Variants in ACCSL observed in about 807,000 individuals in gnomAD.
The protein encoded by ACCSL is probable inactive 1-aminocyclopropane-1-carboxylate synthase-like protein 2.
A neutral mutation model predicts 61.7 loss-of-function variants in ACCSL; 55 were observed. The ratio of observed to expected loss-of-function variants is 0.89; its 90% CI spans 0.72 to 1.12. ACCSL has a LOEUF of 1.12. ACCSL is among the 50% of genes most tolerant of loss of function. ACCSL has a pLI of 0.00. For missense variants in ACCSL, 632 were observed against 698.0 expected (o/e 0.91, Z 1.07); for synonymous variants, 258 against 264.3 (o/e 0.98, Z 0.23).
chr11:43,998,992 A>G, the ACCSL span, among the ~76,000 whole-genome samples: 1 of 152,180 alleles, frequency 6.6e-6, no homozygotes, highest in Non-Finnish European at 1.5e-5. Context: ...CTTTTGAGTC[A>G]TACAGACCTG....
At chr11:43,966,638 A>G in the ACCSL span, among the ~76,000 whole-genome samples, 1 of 152,198 alleles carries the variant, frequency 6.6e-6, no homozygotes, top group Non-Finnish European at 1.5e-5. Flanking sequence ...TTTGACTGAC[A>G]TTTATCCAAA....
the ACCSL span, among the ~76,000 whole-genome samples, chr11:44,003,047 C>T: frequency 6.6e-6 from 1 of 151,966 alleles, no homozygotes; most frequent in African/African-American, 2.4e-5. Context: ...TGAGTAAAGA[C>T]CATTTGGTTC....
the ACCSL span, chr11:43,943,252 C>A: frequency 6.6e-7 from 1 of 1,520,590 alleles, no homozygotes; most frequent in Non-Finnish European, 8.8e-7. This position sits in a 1 kb window ranked among gnomAD's most constrained non-coding sequence, Gnocchi z 4.8. Flanking sequence ...TGGACTCCAG[C>A]GACTCCGACT....
At chr11:43,928,785 C>G in the ACCSL span, among the ~76,000 whole-genome samples, 1 of 152,252 alleles carries the variant, frequency 6.6e-6, no homozygotes, top group Non-Finnish European at 1.5e-5. Flanking sequence ...CATTCCTCCG[C>G]TCTCGGGAAA....
the ACCSL span, chr11:43,925,011 TTCTC>T: frequency 8.2e-5 from 14 of 171,340 alleles, no homozygotes; most frequent in African/African-American, 2.8e-4. Context: ...CTTCCCAGCT[TTCTC>T]TCTCTTTCTC....
At chr11:44,041,129 A>G in the ACCSL span, among the ~76,000 whole-genome samples, 1 of 152,208 alleles carries the variant, frequency 6.6e-6, no homozygotes, top group Non-Finnish European at 1.5e-5. Flanking sequence ...CTTTGGTAAT[A>G]TTGTGGTTCA....
At chr11:43,955,860 T>C in the ACCSL span, among the ~76,000 whole-genome samples, 13 of 151,852 alleles carry the variant, frequency 8.6e-5, no homozygotes, top group African/African-American at 2.9e-4. Flanking sequence ...TCATTAGCCT[T>C]AGTCATTGCT....
the ACCSL span, among the ~76,000 whole-genome samples, chr11:43,946,267 T>G: frequency 4.3e-4 from 65 of 152,186 alleles, 2 homozygotes; most frequent in East Asian, 0.012. Flanking sequence ...CCCAGCTAAC[T>G]TTTATATTTT....
rs1218432586 is a variant in ACCSL, at chr11:44,052,727, G to A, written c.838G>A (p.Val280Ile). The change falls in exon 6 of 14, where the codon GTT (valine) becomes ATT (isoleucine). Residue 280 changes from valine to isoleucine, a missense_variant. Transcript: ENST00000378832. Reference sequence around the variant, plus strand: ...CTTTAGCTCCCGCCTGTATGCAAAGGTTGAGTTGATTCCTGTCCACCTGGA... The same window carrying A: ...CTTTAGCTCCCGCCTGTATGCAAAGATTGAGTTGATTCCTGTCCACCTGGA... Reference protein sequence around the residue: ...FAFSSRLYAKVELIPVHLESE... With the variant: ...FAFSSRLYAKIELIPVHLESE... 6.2e-7 allele frequency: 1 copy of A among 1,614,084 alleles called. No homozygotes were observed. Among genetic ancestry groups the A allele is most frequent in the African/African-American group, 1.3e-5 (1 of 75,004 alleles).
the ACCSL span, among the ~76,000 whole-genome samples, chr11:43,954,592 T>C: frequency 3.3e-5 from 5 of 151,760 alleles, no homozygotes; most frequent in South Asian, 2.1e-4. Flanking sequence ...TTCTTTCTTT[T>C]TTTTTTTTTG....
At chr11:43,942,814 GGCT>G in the ACCSL span, 29 of 941,706 alleles carry the variant, frequency 3.1e-5, no homozygotes, top group Non-Finnish European at 3.7e-5. Flanking sequence ...GCGAGCCCCC[GGCT>G]GCTGCCTCCC....
the ACCSL span, among the ~76,000 whole-genome samples, chr11:44,031,803 A>C: frequency 6.6e-6 from 1 of 152,158 alleles, no homozygotes; most frequent in Non-Finnish European, 1.5e-5. Context: ...GGCTGGGGGC[A>C]GCCCTGGAGA....
chr11:43,948,285 G>A, the ACCSL span, among the ~76,000 whole-genome samples: 7 of 152,112 alleles, frequency 4.6e-5, no homozygotes, highest in Non-Finnish European at 8.8e-5. Flanking sequence ...TAGGCCCTTT[G>A]GCCTCTGGAA....
the ACCSL span, among the ~76,000 whole-genome samples, chr11:44,025,628 C>A: frequency 4.6e-5 from 7 of 151,946 alleles, no homozygotes; most frequent in East Asian, 1.4e-3. Flanking sequence ...TCATATTTTC[C>A]TATGTGATTA....
chr11:43,942,599 G>A, the ACCSL span: 2 of 315,538 alleles, frequency 6.3e-6, no homozygotes, highest in African/African-American at 2.3e-5. Context: ...GTGGGCAGCC[G>A]CGGGCTATAT....
the ACCSL span, among the ~76,000 whole-genome samples, chr11:43,954,559 G>A: frequency 1.3e-5 from 2 of 151,632 alleles, no homozygotes; most frequent in Admixed American, 6.6e-5. Flanking sequence ...CCTGGCTGGT[G>A]CCATGTTGGC....
the ACCSL span, chr11:43,943,735 C>T: frequency 7.7e-7 from 1 of 1,304,370 alleles, no homozygotes; most frequent in Admixed American, 2.3e-5. This position sits in a 1 kb window ranked among gnomAD's most constrained non-coding sequence, Gnocchi z 4.8. Context: ...GGACTTTGGG[C>T]GCAGCGCGGC....
At chr11:44,056,568 C>T (rs750400944) in intron 11 of ACCSL, among the ~76,000 whole-genome samples, 8 of 152,164 alleles carry the variant, frequency 5.3e-5, no homozygotes, top group Non-Finnish European at 7.3e-5. Context: ...CATGGTGGCT[C>T]ACGCCTGTAA....
chr11:44,058,357 G>A lies in ACCSL; in HGVS notation c.1368G>A (p.Arg456=). ...DKVYLPTNCY[R]LREAHKYITA... ...TATACCTACCCACCAATTGCTACCG[G>A]CTCCGGGAAGCTCACAAGTACATCA... Residue 456 remains arginine (R), a synonymous_variant, in exon 12 of 14, where the codon CGG becomes CGA. Transcript: ENST00000378832. The A allele has an allele frequency of 6.2e-7, 1 of 1,614,114 alleles. No homozygotes were observed. Among genetic ancestry groups the A allele is most frequent in the Non-Finnish European group, 8.5e-7 (1 of 1,180,024 alleles).
Sources: allele counts gnomAD v4.1 joint callset (sites outside exome capture counted in the v4.1 genomes callset), GRCh38; gene constraint gnomAD v4.1.1; non-coding constraint Gnocchi (gnomAD v3.1); transcripts MANE v1.5; gene names NCBI Gene and HGNC (gene_info 2026-07-23, HGNC 2026-07-21).